The following EML6 variants were observed in gnomAD, a reference collection of about 807,000 sequenced individuals.
EML6 encodes the protein echinoderm microtubule-associated protein-like 6.
EML6 carries 154 observed loss-of-function variants against 240.1 expected under a neutral mutation model. The observed-to-expected ratio is 0.64, with a 90% CI of 0.56 to 0.73. EML6 has a LOEUF of 0.73. EML6 is among the 30% of genes least tolerant of loss of function. The probability of loss-of-function intolerance (pLI) is 0.00; values close to 1 mark genes in which losing one functional copy is unlikely to be tolerated. For synonymous variants in EML6, 1,148 were observed against 899.0 expected (o/e 1.28, Z -4.95); for missense variants, 2,964 against 2,474.6 (o/e 1.20, Z -4.20).
In EML6 at chr2:54,968,786, C is replaced by T. The variant is rs1676863406; in HGVS notation, c.5852+18C>T. ...GACTGCAGGTACTAACGTAGCTGAC[C>T]CAGTTCTTACTCCACAGGCCTGGCC... On this transcript the variant is annotated intron_variant, in intron 41 of 41. Transcript: ENST00000356458. 7.4e-7 allele frequency: 1 copy of T among 1,354,982 alleles called. No homozygotes were observed. 83.9% of individuals were successfully genotyped at this position (1,354,982 alleles called of 1,614,324 possible).
intron 2 of EML6, among the ~76,000 whole-genome samples, chr2:54,789,333 G>A (rs866740645): frequency 1.3e-5 from 2 of 151,518 alleles, no homozygotes. Flanking sequence ...CTAACACGGT[G>A]AAACCCCGTC....
At chr2:54,792,455 T>C (rs900419107) in intron 2 of EML6, among the ~76,000 whole-genome samples, 26 of 152,352 alleles carry the variant, frequency 1.7e-4, no homozygotes, top group African/African-American at 5.3e-4. Flanking sequence ...CACTCCTAGA[T>C]ATCTGACCAA....
At chr2:54,852,322 C>G (rs1408497052) in intron 10 of EML6, among the ~76,000 whole-genome samples, 1 of 152,164 alleles carries the variant, frequency 6.6e-6, no homozygotes, top group Admixed American at 6.5e-5. Context: ...TTATCAAATT[C>G]TTCAGTGTAC....
intron 28 of EML6, among the ~76,000 whole-genome samples, chr2:54,929,396 A>G (rs1429408660): frequency 6.6e-6 from 1 of 152,234 alleles, no homozygotes; most frequent in East Asian, 1.9e-4. Flanking sequence ...TAGCATTTCT[A>G]AAAAGAAAAG....
intron 17 of EML6, chr2:54,880,210 C>G (rs141662527): frequency 6.5e-6 from 1 of 152,956 alleles, no homozygotes; most frequent in East Asian, 1.9e-4. Flanking sequence ...TGAATCAGCA[C>G]TAAGTCTGAA....
chr2:54,876,352 AT>A (rs2103955290), intron 16 of EML6, among the ~76,000 whole-genome samples: 1 of 152,282 alleles, frequency 6.6e-6, no homozygotes, highest in South Asian at 2.1e-4. Context: ...AAAAAGAGGT[AT>A]GGCTGTTGAG....
At chr2:54,862,918 C>T (rs926674361) in intron 12 of EML6, among the ~76,000 whole-genome samples, 1 of 152,146 alleles carries the variant, frequency 6.6e-6, no homozygotes, top group African/African-American at 2.4e-5. Context: ...TTGTAACAGG[C>T]AGTGGGTCTG....
At chr2:54,942,514 G>A (rs1030016160) in intron 28 of EML6, among the ~76,000 whole-genome samples, 6 of 152,158 alleles carry the variant, frequency 3.9e-5, no homozygotes, top group Admixed American at 6.5e-5. Flanking sequence ...TGTGGTAACC[G>A]AGGAGGCATT....
chr2:54,745,202 A>G (rs961198957), intron 2 of EML6, among the ~76,000 whole-genome samples: 2 of 152,224 alleles, frequency 1.3e-5, no homozygotes, highest in African/African-American at 4.8e-5. Flanking sequence ...GAGGTATTAC[A>G]GAACACTGAA....
chr2:54,767,701 C>T (rs747628841), intron 2 of EML6, among the ~76,000 whole-genome samples: 38 of 150,826 alleles, frequency 2.5e-4, no homozygotes, highest in Non-Finnish European at 4.4e-4. Flanking sequence ...TTTGTAGAGA[C>T]GGGGTCTCAT....
intron 24 of EML6, among the ~76,000 whole-genome samples, chr2:54,909,956 G>C (rs1258648894): frequency 6.6e-6 from 1 of 151,124 alleles, no homozygotes; most frequent in Non-Finnish European, 1.5e-5. Context: ...TTCTTATTTT[G>C]GTATTATTTT....
intron 2 of EML6, among the ~76,000 whole-genome samples, chr2:54,795,459 G>T (rs1245623689): frequency 2.6e-5 from 4 of 152,170 alleles, no homozygotes; most frequent in African/African-American, 9.7e-5. Context: ...TTGGAGATGA[G>T]ACTTGGGAAC....
chr2:54,892,373 T>A (rs984000411), intron 18 of EML6, 81 bp from the exon 19 acceptor site: 14 of 857,212 alleles, frequency 1.6e-5, no homozygotes, highest in Non-Finnish European at 2.4e-5. Flanking sequence ...GACACCAGGT[T>A]TCTCATGGAA....
intron 28 of EML6, among the ~76,000 whole-genome samples, chr2:54,932,543 T>A (rs1405055200): frequency 2.6e-5 from 4 of 152,156 alleles, no homozygotes; most frequent in African/African-American, 9.7e-5. Flanking sequence ...TTTGACCTTA[T>A]CTCCTTTGCC....
intron 28 of EML6, among the ~76,000 whole-genome samples, chr2:54,929,262 T>A (rs755230): frequency 0.54 from 81,618 of 152,090 alleles, 22,278 homozygotes; most frequent in South Asian, 0.68. Flanking sequence ...GGGTTTGGCA[T>A]TTCCAGCCTA....
intron 16 of EML6, among the ~76,000 whole-genome samples, chr2:54,877,599 T>G (rs1252000118): frequency 2.6e-5 from 4 of 152,170 alleles, no homozygotes; most frequent in African/African-American, 9.7e-5. Context: ...GAATAGGAAG[T>G]CATTACCAAT....
At chr2:54,949,263 C>T (rs865799771) in intron 29 of EML6, among the ~76,000 whole-genome samples, 1 of 152,174 alleles carries the variant, frequency 6.6e-6, no homozygotes, top group Non-Finnish European at 1.5e-5. Context: ...CACTCAGACC[C>T]TCAGCATCCC....
chr2:54,952,343 G>A (rs1424613862), intron 30 of EML6, among the ~76,000 whole-genome samples: 1 of 151,838 alleles, frequency 6.6e-6, no homozygotes, highest in African/African-American at 2.4e-5. Context: ...GTTGTGGGAA[G>A]TATCGAAGAG....
chr2:54,847,356 G>A (rs1343600227), intron 8 of EML6, 130 bp from the exon 9 acceptor site: 3 of 874,534 alleles, frequency 3.4e-6, no homozygotes, highest in South Asian at 1.9e-5. Context: ...CATGATAAAG[G>A]GCTCTGGTGT....
Sources: gnomAD v4.1 joint callset for allele counts (sites outside exome capture counted in the v4.1 genomes callset) on GRCh38, gnomAD v4.1.1 for gene constraint, MANE v1.5 for transcripts, NCBI Gene and HGNC (gene_info 2026-07-23, HGNC 2026-07-21) for gene names.